MICU1: variants seen among roughly 807,000 people sequenced by gnomAD.
MICU1 encodes mitochondrial calcium uptake 1, also known as calcium uptake protein 1, mitochondrial.
A neutral mutation model predicts 56.8 loss-of-function variants in MICU1; 45 were observed. The ratio of observed to expected loss-of-function variants is 0.79; its 90% CI spans 0.62 to 1.02. The LOEUF (loss-of-function observed/expected upper bound fraction) is 1.02, where lower values mean the gene tolerates loss of function less well. Among genes scored for constraint, MICU1 ranks in the 50% least tolerant of loss-of-function variants. The pLI is 0.00. For missense variants in MICU1, 504 were observed against 587.1 expected (o/e 0.86, Z 1.46); for synonymous variants, 186 against 195.1 (o/e 0.95, Z 0.39).
At chr10:72,600,594 A>G (rs1841501061) in intron 1 of MICU1, among the ~76,000 whole-genome samples, 2 of 143,564 alleles carry the variant, frequency 1.4e-5, no homozygotes, top group East Asian at 2.1e-4. Flanking sequence ...GGTTTCAGTG[A>G]GCCAAGATCA....
At chr10:72,468,340 CT>C (rs1292267043) in intron 8 of MICU1, among the ~76,000 whole-genome samples, 2 of 150,752 alleles carry the variant, frequency 1.3e-5, no homozygotes, top group East Asian at 3.9e-4. Flanking sequence ...CCCCTTACCC[CT>C]CTCAAATTAA....
At chr10:72,381,754 TAC>T (rs1351870725) in intron 10 of MICU1, among the ~76,000 whole-genome samples, 3 of 152,130 alleles carry the variant, frequency 2.0e-5, no homozygotes, top group African/African-American at 7.2e-5. Context: ...TCAATGGGCT[TAC>T]ACGCTTAATT....
intron 4 of MICU1, among the ~76,000 whole-genome samples, chr10:72,537,539 A>C (rs1839666662): frequency 6.6e-6 from 1 of 152,208 alleles, no homozygotes; most frequent in Admixed American, 6.5e-5. Context: ...TATGGTTTTT[A>C]AACTTTTATT....
intron 5 of MICU1, among the ~76,000 whole-genome samples, chr10:72,510,903 A>T (rs776688359): frequency 6.6e-6 from 1 of 152,202 alleles, no homozygotes; most frequent in Non-Finnish European, 1.5e-5. Flanking sequence ...AAGTTCTGGG[A>T]TTACAGATGT....
rs565756864 is a variant in MICU1, at chr10:72,524,867, T to C, written c.537+8879A>G. 9.1e-6 allele frequency: 5 copies of C among 548,554 alleles called. No homozygotes were observed. In the East Asian group the frequency reaches 1.1e-4, roughly 12 times the overall value. The allele number at this position is 548,554 out of a possible 1,614,324, so 34.0% of individuals were successfully genotyped here. On this transcript the variant is annotated intron_variant, in intron 5 of 11. Coordinates refer to ENST00000361114, the MANE Select transcript of MICU1 (RefSeq NM_001195518.2). ...GAAACAGTTAAAACCTGTAATAATA[T>C]CACTGAACACCTGGAAGTAGGAAAT...
At chr10:72,588,546 T>A (rs1313451395) in intron 1 of MICU1, among the ~76,000 whole-genome samples, 1 of 152,218 alleles carries the variant, frequency 6.6e-6, no homozygotes, top group East Asian at 1.9e-4. Flanking sequence ...CAACATAGTA[T>A]AATAGGAATT....
In MICU1 at chr10:72,585,703, T is replaced by C. The variant is rs951977752; in HGVS notation, c.-1-18909A>G. On this transcript the variant is annotated intron_variant, in intron 1 of 11. Transcript: ENST00000361114. Reference sequence around the variant, plus strand: ...ATTTTAAATGTTTCTGTTTAAACAATTCTTACTATAGGGTTAATCCAATAA... The same window carrying C: ...ATTTTAAATGTTTCTGTTTAAACAACTCTTACTATAGGGTTAATCCAATAA... Among the ~76,000 whole-genome samples, 11 of 152,096 alleles carry C rather than the reference T, an allele frequency of 7.2e-5. 1 individual carries two copies. The South Asian group carries it at 2.3e-3, about 32-fold the overall frequency.
chr10:72,542,410 T>C (rs915435), intron 4 of MICU1, among the ~76,000 whole-genome samples: 95,251 of 152,048 alleles, frequency 0.63, 31,356 homozygotes, highest in African/African-American at 0.72. Context: ...TATCTTGACT[T>C]TTTCACAGGA....
intron 1 of MICU1, among the ~76,000 whole-genome samples, chr10:72,613,799 C>T (rs1841911936): frequency 6.6e-6 from 1 of 151,980 alleles, no homozygotes; most frequent in African/African-American, 2.4e-5. Context: ...AGAAGAGTTC[C>T]TCATACATAA....
intron 1 of MICU1, among the ~76,000 whole-genome samples, chr10:72,602,308 G>C (rs575235245): frequency 6.6e-6 from 1 of 151,354 alleles, no homozygotes; most frequent in Non-Finnish European, 1.5e-5. Context: ...AAAATTAGCC[G>C]AGTGTGGTGG....
intron 1 of MICU1, among the ~76,000 whole-genome samples, chr10:72,575,649 A>G (rs1304514133): frequency 6.6e-6 from 1 of 152,134 alleles, no homozygotes; most frequent in African/African-American, 2.4e-5. Flanking sequence ...TGTTATCATG[A>G]TCTAGGATCA....
intron 6 of MICU1, 164 bp from the exon 7 acceptor site, chr10:72,477,420 T>C (rs527628734): frequency 1.1e-5 from 14 of 1,285,778 alleles, no homozygotes; most frequent in African/African-American, 1.5e-5. Context: ...TTTATTGAGA[T>C]CACCCTTTTA....
chr10:72,616,157 C>G (rs188112511), intron 1 of MICU1, among the ~76,000 whole-genome samples: 10 of 152,288 alleles, frequency 6.6e-5, no homozygotes, highest in Non-Finnish European at 1.5e-4. Context: ...GTATGAGTCA[C>G]GTTTTCCTAC....
intron 7 of MICU1, chr10:72,475,882 C>A (rs1866103919): frequency 4.4e-6 from 2 of 456,480 alleles, no homozygotes; most frequent in African/African-American, 4.0e-5. Flanking sequence ...TTGGGATCCT[C>A]TTAGAAAATC....
Position 72,512,100 on chromosome 10 carries a change from G to GTTTTTTTTTTTTTTTT in MICU1, c.538-3832_538-3831insAAAAAAAAAAAAAAAA, listed in dbSNP as rs1199987987. ...ATCAATCTGGCATCCATACACAGTT[G>GTTTTTTTTTTTTTTTT]TTTTTTGTTTTTTTTTTTTTTTTTT... On this transcript the variant is annotated intron_variant, in intron 5 of 11. Transcript: ENST00000361114. 1.5e-4 allele frequency among the ~76,000 whole-genome samples: 12 copies of GTTTTTTTTTTTTTTTT among 82,332 alleles called. 4 individuals are homozygous for GTTTTTTTTTTTTTTTT. Among genetic ancestry groups the GTTTTTTTTTTTTTTTT allele is most frequent in the African/African-American group, 5.8e-4 (10 of 17,226 alleles). 54.0% of individuals were successfully genotyped at this position (82,332 alleles called of 152,430 possible). A position where few individuals can be genotyped will look rare whatever the true frequency, so the allele number is the denominator to read the frequency against.
At chr10:72,598,261 C>T (rs556451747) in intron 1 of MICU1, among the ~76,000 whole-genome samples, 14 of 146,522 alleles carry the variant, frequency 9.6e-5, no homozygotes, top group Middle Eastern at 7.0e-3. Context: ...AAAATATATT[C>T]TTTTTTTTTT....
chr10:72,570,662 T>C (rs1306226060), intron 1 of MICU1, among the ~76,000 whole-genome samples: 2 of 152,316 alleles, frequency 1.3e-5, no homozygotes, highest in Middle Eastern at 3.4e-3. Flanking sequence ...AATTTTGAAA[T>C]TGGACCTAAA....
In MICU1 at chr10:72,375,799, T is replaced by C. The variant is rs1011246678; in HGVS notation, c.1254A>G (p.Ala418=). The C allele has an allele frequency of 6.2e-7, 1 of 1,612,792 alleles. No homozygotes were observed. The highest frequency in any genetic ancestry group is 2.2e-5 in the East Asian group (1 of 44,856). Reference sequence around the variant, plus strand: ...CCCACTCACCATCACAGTCAAAGAGTGCAAACACCACATCACACACGTGGT... The same window carrying C: ...CCCACTCACCATCACAGTCAAAGAGCGCAAACACCACATCACACACGTGGT... ...LSDHVCDVVF[A]LFDCDGNGEL... Residue 418 remains alanine (A), a synonymous_variant, in exon 11 of 12, where the codon GCA becomes GCG. Transcript: ENST00000361114.
At chr10:72,428,882 A>G (rs1375882761) in intron 8 of MICU1, among the ~76,000 whole-genome samples, 1 of 152,244 alleles carries the variant, frequency 6.6e-6, no homozygotes, top group Non-Finnish European at 1.5e-5. Flanking sequence ...TTCATTCCAC[A>G]GAAGGTAATA....
Sources: gnomAD v4.1 joint callset for allele counts (sites outside exome capture counted in the v4.1 genomes callset) on GRCh38, gnomAD v4.1.1 for gene constraint, MANE v1.5 for transcripts, NCBI Gene and HGNC (gene_info 2026-07-23, HGNC 2026-07-21) for gene names.